Variants in ULK2 observed in about 807,000 individuals in gnomAD.
ULK2 encodes serine/threonine-protein kinase ULK2.
Under a neutral mutation model 127.5 loss-of-function variants are expected in ULK2, and 76 were observed. That is an observed-to-expected ratio of 0.60 (90% confidence interval 0.50 to 0.72). ULK2 has a LOEUF of 0.72. Among genes scored for constraint, ULK2 ranks in the 30% least tolerant of loss-of-function variants. The pLI is 0.00. For synonymous variants in ULK2, 452 were observed against 461.9 expected, an observed-to-expected ratio of 0.98 and a Z score of 0.28; for missense variants, 1,144 against 1,295.9, an observed-to-expected ratio of 0.88 and a Z score of 1.80.
chr17:19,816,982 C>A, intron 12 of ULK2, 62 bp from the exon 13 acceptor site: 2 of 1,482,090 alleles, frequency 1.3e-6, no homozygotes, highest in South Asian at 2.8e-5. Flanking sequence ...AGAATAGTGA[C>A]TAGACTAAGG....
At chr17:19,864,043 A>T (rs1227248771) in intron 3 of ULK2, among the ~76,000 whole-genome samples, 1 of 152,216 alleles carries the variant, frequency 6.6e-6, no homozygotes, top group Non-Finnish European at 1.5e-5. Flanking sequence ...GTGGTGGCTC[A>T]CATCTGTAAT....
chr17:19,864,919 TTAAAG>T (rs2042321271), intron 2 of ULK2, 75 bp from the exon 3 acceptor site: 4 of 673,948 alleles, frequency 5.9e-6, no homozygotes, highest in Non-Finnish European at 8.8e-6. Flanking sequence ...GTAAATAAAA[TTAAAG>T]TATACACATA....
chr17:19,805,062 C>G (rs1004504127), intron 14 of ULK2, among the ~76,000 whole-genome samples: 4 of 146,654 alleles, frequency 2.7e-5, no homozygotes, highest in Non-Finnish European at 6.1e-5. Flanking sequence ...ATTATAATAA[C>G]CTGGAAAAAA....
chr17:19,781,505 C>T (rs1008599118), intron 23 of ULK2, among the ~76,000 whole-genome samples: 12 of 152,164 alleles, frequency 7.9e-5, no homozygotes, highest in African/African-American at 2.9e-4. Flanking sequence ...GCCCCATCCT[C>T]CCAAAGTGCT....
chr17:19,801,258 C>T (rs2087390983), intron 16 of ULK2, among the ~76,000 whole-genome samples: 1 of 152,106 alleles, frequency 6.6e-6, no homozygotes, highest in African/African-American at 2.4e-5. Flanking sequence ...GAGATCCTAA[C>T]AAATTTATAC....
chr17:19,810,055 C>A (rs1431876617), intron 14 of ULK2, among the ~76,000 whole-genome samples: 1 of 151,832 alleles, frequency 6.6e-6, no homozygotes, highest in Non-Finnish European at 1.5e-5. Context: ...CCCAGTGAAA[C>A]CTTGTCTCTA....
chr17:19,831,988 G>A (rs1052760201), intron 10 of ULK2, among the ~76,000 whole-genome samples: 1 of 152,058 alleles, frequency 6.6e-6, no homozygotes, highest in African/African-American at 2.4e-5. Flanking sequence ...GCCAGGTGTG[G>A]TGACTTGAGC....
intron 14 of ULK2, among the ~76,000 whole-genome samples, chr17:19,807,749 A>G (rs1398562165): frequency 6.6e-6 from 1 of 152,166 alleles, no homozygotes. Flanking sequence ...GAGGAAAGAA[A>G]CAAGATTGTA....
At position 19,816,860 on chromosome 17, in the gene ULK2, G is replaced by A. The variant is rs369603295; in HGVS notation, c.985C>T (p.Pro329Ser). 101 of 1,612,502 alleles carry A rather than the reference G, an allele frequency of 6.3e-5. No homozygotes were observed. The African/African-American group carries it at 1.1e-3, about 18-fold the overall frequency. The change falls in exon 13 of 27, where the codon CCC (proline) becomes TCC (serine). Residue 329 changes from proline to serine, a missense_variant. Pro to Ser is a moderately conservative substitution (Grantham distance 74, BLOSUM62 -1). Coordinates refer to ENST00000395544, the MANE Select transcript of ULK2 (RefSeq NM_014683.4). ...TCTTTGGAAACTTGTAGATAGTTGG[G>A]AGGACCCAATGGTGGGGAAGATAAG... ...ENLSSPPLGP[P>S]NYLQVSKDSA... is the part of the protein sequence containing the mutation.
At chr17:19,831,096 T>TG (rs1168146612) in intron 10 of ULK2, among the ~76,000 whole-genome samples, 1 of 150,942 alleles carries the variant, frequency 6.6e-6, no homozygotes, top group Non-Finnish European at 1.5e-5. Context: ...TAGTTCTCCA[T>TG]GGCTGGGGAG....
intron 20 of ULK2, among the ~76,000 whole-genome samples, chr17:19,792,044 C>T (rs1192553628): frequency 1.3e-5 from 2 of 151,796 alleles, no homozygotes; most frequent in East Asian, 3.9e-4. Flanking sequence ...AATGGAAACA[C>T]AACATACTAA....
At position 19,797,691 on chromosome 17, in the gene ULK2, A is replaced by G. The variant is rs1408528269; in HGVS notation, c.1523-9T>C. On this transcript the variant is annotated splice_polypyrimidine_tract_variant and intron_variant, in intron 17 of 26. Transcript: ENST00000395544. ...TTGTGGCACTGGAGAACCTAACAAG[A>G]AAACAAATGTAACATTAACCTGAAG... is the stretch of plus-strand genomic sequence containing the variant. 9 of 1,485,430 alleles carry G rather than the reference A, an allele frequency of 6.1e-6. No individual in the cohort carries two copies. The highest frequency in any genetic ancestry group is 8.1e-6 in the Non-Finnish European group (9 of 1,117,096). 92.0% of individuals were successfully genotyped at this position (1,485,430 alleles called of 1,614,324 possible). A position where few individuals can be genotyped will look rare whatever the true frequency, so the allele number is the denominator to read the frequency against.
chr17:19,829,041 C>G (rs2041364133), intron 10 of ULK2, among the ~76,000 whole-genome samples: 1 of 151,872 alleles, frequency 6.6e-6, no homozygotes. Context: ...GCACTCCAGC[C>G]TGGGTGAAAG....
At chr17:19,858,693 G>A (rs1324567162) in intron 3 of ULK2, among the ~76,000 whole-genome samples, 4 of 152,136 alleles carry the variant, frequency 2.6e-5, no homozygotes, top group Non-Finnish European at 5.9e-5. Flanking sequence ...ATACCAGCTG[G>A]GCGCAGTGGC....
At chr17:19,811,680 G>C (rs2087644157) in intron 13 of ULK2, among the ~76,000 whole-genome samples, 1 of 152,038 alleles carries the variant, frequency 6.6e-6, no homozygotes, top group Non-Finnish European at 1.5e-5. Flanking sequence ...GACCTCAAGT[G>C]ATCTGCCCAC....
intron 10 of ULK2, among the ~76,000 whole-genome samples, chr17:19,836,098 C>A (rs2041589759): frequency 6.7e-6 from 1 of 149,604 alleles, no homozygotes. Context: ...AAAAACCCAT[C>A]TCTACTAAAA....
intron 24 of ULK2, 24 bp downstream of exon 24, chr17:19,780,962 G>A: frequency 1.2e-6 from 2 of 1,607,216 alleles, no homozygotes; most frequent in South Asian, 2.2e-5. Context: ...GACCCCTGGA[G>A]TTACACGCTG....
At chr17:19,789,174 C>T (rs111586218) in intron 20 of ULK2, among the ~76,000 whole-genome samples, 1 of 152,302 alleles carries the variant, frequency 6.6e-6, no homozygotes, top group Non-Finnish European at 1.5e-5. Context: ...CCAGGCAGTT[C>T]CAGTGGTGGT....
chr17:19,849,161 T>G (rs180909977), intron 5 of ULK2, among the ~76,000 whole-genome samples: 1 of 152,260 alleles, frequency 6.6e-6, no homozygotes, highest in African/African-American at 2.4e-5. Context: ...AGGTAAATAC[T>G]TATATACAAG....
Sources: allele counts gnomAD v4.1 joint callset (sites outside exome capture counted in the v4.1 genomes callset), GRCh38; gene constraint gnomAD v4.1.1; transcripts MANE v1.5; gene names NCBI Gene and HGNC (gene_info 2026-07-23, HGNC 2026-07-21).